The following QTRT1 variants were observed in gnomAD, a reference collection of about 807,000 sequenced individuals.
QTRT1 encodes TGT, 43-KD subunit.
A neutral mutation model predicts 44.0 loss-of-function variants in QTRT1; 41 were observed. That is an observed-to-expected ratio of 0.93 (90% CI 0.73 to 1.21). The LOEUF (loss-of-function observed/expected upper bound fraction) is 1.21, where lower values mean the gene tolerates loss of function less well. Ranked by LOEUF, QTRT1 falls within the 50% of genes most tolerant of loss-of-function variation. The pLI is 0.00. For missense variants in QTRT1, 542 were observed against 575.8 expected, an observed-to-expected ratio of 0.94 and a Z score of 0.60; for synonymous variants, 226 against 237.1, an observed-to-expected ratio of 0.95 and a Z score of 0.43.
In QTRT1 at chr19:10,712,129, TCTG is replaced by T. The variant is rs1264571010; in HGVS notation, c.647-31_647-29del. ...ATTGAAGACCAGGCGCATTTCCTCT[TCTG>T]TGGCCCTCACCTTACCCTGTACCCT... is the stretch of plus-strand genomic sequence containing the variant. On this transcript the variant is annotated intron_variant, in intron 5 of 9. Coordinates refer to ENST00000250237, the MANE Select transcript of QTRT1 (RefSeq NM_031209.3). The surrounding 1 kb of genome is among the most constrained non-coding windows in gnomAD (Gnocchi z 5.6). The T allele has an allele frequency of 6.2e-7, 1 of 1,610,584 alleles. No homozygotes were observed. Among genetic ancestry groups the T allele is most frequent in the African/African-American group, 1.3e-5 (1 of 74,866 alleles).
chr19:10,707,616 G>T lies in QTRT1; in HGVS notation c.646+1G>T. On this transcript the variant is annotated splice_donor_variant, in intron 5 of 9. Transcript: ENST00000250237. LOFTEE classifies it high-confidence loss of function. The stretch of plus-strand genomic sequence containing the variant: ...GATCTCCGGGCCACCTGCCTTGAAG[G>T]TAGAGCCATGCGCTGGCAGGCCCAG... The T allele has an allele frequency of 6.3e-7, 1 of 1,593,612 alleles. No homozygotes were observed. Among genetic ancestry groups the T allele is most frequent in the Non-Finnish European group, 8.6e-7 (1 of 1,169,256 alleles).
At chr19:10,705,491 G>A (rs2068709113) in intron 3 of QTRT1, among the ~76,000 whole-genome samples, 1 of 150,896 alleles carries the variant, frequency 6.6e-6, no homozygotes, top group African/African-American at 2.4e-5. Flanking sequence ...CACCCGTCTC[G>A]GCCTCCCAAA....
rs147433367 is a variant in QTRT1, at chr19:10,708,644, C to G, written c.646+1029C>G. 1.2e-3 allele frequency among the ~76,000 whole-genome samples: 183 copies of G among 152,182 alleles called. 3 individuals are homozygous for G. The Middle Eastern group carries it at 0.014, about 11-fold the overall frequency. ...GCAGCTCCCCTTCCCATGATCCGAC[C>G]AGAGTTGGAGCTAGGGAAGGCCTAG... On this transcript the variant is annotated intron_variant, in intron 5 of 9. Transcript: ENST00000250237.
intron 5 of QTRT1, among the ~76,000 whole-genome samples, chr19:10,708,442 A>C (rs1397226123): frequency 6.6e-6 from 1 of 152,170 alleles, no homozygotes. Context: ...TTTTACATGC[A>C]ATGCTTTCTG....
chr19:10,704,356 C>G (rs1419927942), intron 3 of QTRT1, among the ~76,000 whole-genome samples: 2 of 152,170 alleles, frequency 1.3e-5, no homozygotes, highest in East Asian at 3.9e-4. Flanking sequence ...TGCGGTGGCG[C>G]GATCTCGGCT....
rs1568251502 is a variant in QTRT1 at position 10,701,962 on chromosome 19, A to G, written c.256A>G (p.Ile86Val). Reference protein sequence around the residue: ...HLGLRPGPELIQKANGLHGFM... With the variant: ...HLGLRPGPELVQKANGLHGFM... ...TCCATCAACCCAGGGACCCGAGCTGATCCAGAAAGCCAACGGTCTCCACGG... is the reference window on the plus strand; with the variant it reads ...TCCATCAACCCAGGGACCCGAGCTGGTCCAGAAAGCCAACGGTCTCCACGG... Residue 86 changes from isoleucine to valine, a missense_variant, in exon 2 of 10, where the codon ATC becomes GTC. Ile to Val is a conservative substitution (Grantham distance 29). Transcript: ENST00000250237. 6.2e-7 allele frequency: 1 copy of G among 1,614,150 alleles called. No homozygotes were observed.
intron 3 of QTRT1, among the ~76,000 whole-genome samples, chr19:10,703,864 G>A (rs900353518): frequency 9.3e-5 from 14 of 150,536 alleles, no homozygotes; most frequent in Non-Finnish European, 1.8e-4. Flanking sequence ...GTATTATTTT[G>A]AGACAGAGTC....
intron 3 of QTRT1, among the ~76,000 whole-genome samples, chr19:10,703,815 G>T (rs560935161): frequency 6.6e-6 from 1 of 151,558 alleles, no homozygotes; most frequent in Non-Finnish European, 1.5e-5. Flanking sequence ...CACTGTGCCC[G>T]GCCTATAAGT....
chr19:10,702,099 G>C lies in QTRT1; in HGVS notation c.313-17G>C. ...CATCTCCACCCCCTGACAGCTTTGC[G>C]GTGGGGTTTCCCTTAGGACAGCGGC... On this transcript the variant is annotated splice_polypyrimidine_tract_variant and intron_variant, in intron 2 of 9. Transcript: ENST00000250237. 1.2e-6 allele frequency: 2 copies of C among 1,614,116 alleles called. No homozygotes were observed. Among genetic ancestry groups the C allele is most frequent in the Non-Finnish European group, 1.7e-6 (2 of 1,179,996 alleles).
At position 10,707,630 on chromosome 19, in the gene QTRT1, T is replaced by C; in HGVS notation, c.646+15T>C. On this transcript the variant is annotated intron_variant, in intron 5 of 9. Coordinates refer to ENST00000250237, the MANE Select transcript of QTRT1 (RefSeq NM_031209.3). ...CTGCCTTGAAGGTAGAGCCATGCGC[T>C]GGCAGGCCCAGGGCTTGGCCATCGC... 6.4e-7 allele frequency: 1 copy of C among 1,571,906 alleles called. No homozygotes were observed. Among genetic ancestry groups the C allele is most frequent in the South Asian group, 1.1e-5 (1 of 87,860 alleles).
intron 3 of QTRT1, 52 bp downstream of exon 3, chr19:10,702,306 G>T (rs2068694043): frequency 6.3e-7 from 1 of 1,583,424 alleles, no homozygotes. Context: ...AGGGGGTGAA[G>T]TTTACACGGG....
chr19:10,705,271 C>T (rs1339305639), intron 3 of QTRT1, among the ~76,000 whole-genome samples: 1 of 150,028 alleles, frequency 6.7e-6, no homozygotes, highest in Non-Finnish European at 1.5e-5. Flanking sequence ...AGGAGTCTCA[C>T]TCTTTGACCA....
intron 3 of QTRT1, among the ~76,000 whole-genome samples, chr19:10,703,630 T>C (rs1415680942): frequency 6.6e-6 from 1 of 152,066 alleles, no homozygotes; most frequent in Non-Finnish European, 1.5e-5. Flanking sequence ...GCAATTCGCC[T>C]GCCTTAGCCT....
rs1370502430 is a variant in QTRT1 at position 10,707,617 on chromosome 19, T to C, written c.646+2T>C. On this transcript the variant is annotated splice_donor_variant, in intron 5 of 9. Coordinates refer to ENST00000250237, the MANE Select transcript of QTRT1 (RefSeq NM_031209.3). LOFTEE classifies it high-confidence loss of function. The stretch of plus-strand genomic sequence containing the variant: ...ATCTCCGGGCCACCTGCCTTGAAGG[T>C]AGAGCCATGCGCTGGCAGGCCCAGG... 6.3e-7 allele frequency: 1 copy of C among 1,593,464 alleles called. No individual in the cohort carries two copies. Among genetic ancestry groups the C allele is most frequent in the Non-Finnish European group, 8.6e-7 (1 of 1,169,078 alleles).
chr19:10,707,176 TG>T, intron 3 of QTRT1, 125 bp from the exon 4 acceptor site: 1 of 897,190 alleles, frequency 1.1e-6, no homozygotes, highest in Non-Finnish European at 1.8e-6. Flanking sequence ...GAAAGTCACG[TG>T]GGAGTTAGCA....
Position 10,701,468 on chromosome 19 carries a change from G to A in QTRT1, c.8G>A (p.Gly3Glu), listed in dbSNP as rs149290202. The A allele has an allele frequency of 4.5e-5, 70 of 1,548,878 alleles. No homozygotes were observed. Among genetic ancestry groups the A allele is most frequent in the Middle Eastern group, 3.5e-4 (2 of 5,696 alleles). Reference sequence around the variant, plus strand: ...GTGGTTCCGACAGTCAAGATGGCGGGAGCAGCTACCCAGGCTTCCCTGGAG... The same window carrying A: ...GTGGTTCCGACAGTCAAGATGGCGGAAGCAGCTACCCAGGCTTCCCTGGAG... Reference protein sequence around the residue: MAGAATQASLESA... With the variant: MAEAATQASLESA... The change falls in exon 1 of 10, where the codon GGA becomes GAA. Residue 3 changes from glycine (G) to glutamate (E), a missense_variant. Gly to Glu is a moderately conservative substitution (Grantham distance 98). Transcript: ENST00000250237.
chr19:10,704,285 T>A (rs1314995872), intron 3 of QTRT1, among the ~76,000 whole-genome samples: 2 of 152,092 alleles, frequency 1.3e-5, no homozygotes, highest in African/African-American at 4.8e-5. Context: ...CCCCATGTGT[T>A]TTTTGTTTGT....
chr19:10,707,703 G>A (rs2068720977), intron 5 of QTRT1, 88 bp downstream of exon 5: 5 of 926,506 alleles, frequency 5.4e-6, no homozygotes, highest in Non-Finnish European at 1.6e-6. Context: ...GATTGCTAAT[G>A]TGTAGAAGGG....
Position 10,712,669 on chromosome 19 carries a change from G to T in QTRT1, c.861+41G>T, listed in dbSNP as rs750604128. On this transcript the variant is annotated intron_variant, in intron 7 of 9. Transcript: ENST00000250237. The surrounding 1 kb of genome is among the most constrained non-coding windows in gnomAD (Gnocchi z 5.6). Reference sequence around the variant, plus strand: ...AAGGAGGTCAGGGCGGGAGACGGGTGGGGGACTAGGGAGGCAAGGTTAGGG... The same window carrying T: ...AAGGAGGTCAGGGCGGGAGACGGGTTGGGGACTAGGGAGGCAAGGTTAGGG... The T allele has an allele frequency of 1.7e-5, 22 of 1,261,722 alleles. No individual in the cohort carries two copies. Among genetic ancestry groups the T allele is most frequent in the South Asian group, 1.4e-4 (12 of 85,308 alleles). 78.2% of individuals were successfully genotyped at this position (1,261,722 alleles called of 1,614,324 possible).
Sources: allele counts gnomAD v4.1 joint callset (sites outside exome capture counted in the v4.1 genomes callset), GRCh38; gene constraint gnomAD v4.1.1; non-coding constraint Gnocchi (gnomAD v3.1); transcripts MANE v1.5; gene names NCBI Gene and HGNC (gene_info 2026-07-23, HGNC 2026-07-21).